SUPT3H: variants seen among roughly 807,000 people sequenced by gnomAD.
The protein encoded by SUPT3H is SPT3 homolog, SAGA and STAGA complex component.
In SUPT3H, 44 loss-of-function variants were observed where a neutral mutation model predicts 44.3. That is an observed-to-expected ratio of 0.99 (90% CI 0.78 to 1.28). The LOEUF is 1.28. Ranked by LOEUF, SUPT3H falls within the 50% of genes most tolerant of loss-of-function variation. The pLI, the probability that SUPT3H is intolerant of heterozygous loss-of-function variation, is 0.00. For synonymous variants in SUPT3H, 124 were observed against 125.6 expected, an observed-to-expected ratio of 0.99 and a Z score of 0.09; for missense variants, 380 against 387.1, an observed-to-expected ratio of 0.98 and a Z score of 0.15.
chr6:45,348,078 T>C (rs1030201658), intron 2 of SUPT3H, among the ~76,000 whole-genome samples: 2 of 152,184 alleles, frequency 1.3e-5, no homozygotes, highest in African/African-American at 4.8e-5. Context: ...AATGGCCTGC[T>C]TATGTCTAGC....
chr6:45,289,812 A>C (rs978367945), intron 2 of SUPT3H, among the ~76,000 whole-genome samples: 22 of 152,338 alleles, frequency 1.4e-4, no homozygotes, highest in Middle Eastern at 3.4e-3. Context: ...TTAAACAAAA[A>C]ATGGTACGTC....
In SUPT3H at chr6:44,857,677, T is replaced by C. The variant is rs76902238; in HGVS notation, c.913-27820A>G. ...TACTTTTTAGTCGATTTTTCTTACC[T>C]AGGATTACATAAAAATACCTTTAGA... is the stretch of plus-strand genomic sequence containing the variant. On this transcript the variant is annotated intron_variant, in intron 10 of 10. Transcript: ENST00000371459. Among the ~76,000 whole-genome samples the C allele has an allele frequency of 4.5e-4, 68 of 152,332 alleles. No homozygotes were observed. In the East Asian group the frequency reaches 0.011, roughly 25 times the overall value.
chr6:44,910,637 T>C (rs542177272), intron 10 of SUPT3H, among the ~76,000 whole-genome samples: 2 of 151,918 alleles, frequency 1.3e-5, no homozygotes, highest in African/African-American at 4.8e-5. Flanking sequence ...ATTAGGCAAA[T>C]ATTTTCATTT....
chr6:44,862,492 C>T (rs1156806590), intron 10 of SUPT3H, among the ~76,000 whole-genome samples: 1 of 151,744 alleles, frequency 6.6e-6, no homozygotes, highest in South Asian at 2.1e-4. Flanking sequence ...GCCTGGCCAA[C>T]ATGGTGAAAT....
chr6:45,343,636 C>T (rs887013435), intron 2 of SUPT3H, among the ~76,000 whole-genome samples: 1 of 152,172 alleles, frequency 6.6e-6, no homozygotes, highest in African/African-American at 2.4e-5. Flanking sequence ...AGTTGCATAA[C>T]AGTACGAACT....
chr6:45,147,954 C>A lies in SUPT3H; in HGVS notation c.102-41948G>T, dbSNP rs899194762. On this transcript the variant is annotated intron_variant, in intron 2 of 10. Coordinates refer to ENST00000371459, the MANE Select transcript of SUPT3H (RefSeq NM_003599.4). ...ATTTTAATAAATAAATTGATGATTA[C>A]AGAAAAAATTAAGCAATAAGAACAT... Among the ~76,000 whole-genome samples the A allele has an allele frequency of 5.3e-5, 8 of 152,084 alleles. No homozygotes were observed. The East Asian group carries it at 1.5e-3, about 29-fold the overall frequency.
At chr6:45,129,810 A>T (rs922725197) in intron 2 of SUPT3H, among the ~76,000 whole-genome samples, 10 of 151,636 alleles carry the variant, frequency 6.6e-5, no homozygotes, top group African/African-American at 2.4e-4. Context: ...CTTTTGGGGG[A>T]ATTTTGGGGG....
Position 45,125,905 on chromosome 6 carries a change from A to G in SUPT3H, c.102-19899T>C, listed in dbSNP as rs1164110520. On this transcript the variant is annotated intron_variant, in intron 2 of 10. Coordinates refer to ENST00000371459, the MANE Select transcript of SUPT3H (RefSeq NM_003599.4). ...AAAATTGTATTACTCTTTACACTAA[A>G]AGTTTCCATTTTCAGTTATTCGTAT... Among the ~76,000 whole-genome samples, 4 of 152,294 alleles carry G rather than the reference A, an allele frequency of 2.6e-5. No homozygotes were observed. The East Asian group carries it at 7.7e-4, about 29-fold the overall frequency.
chr6:44,892,638 T>C (rs1187941964), intron 10 of SUPT3H, among the ~76,000 whole-genome samples: 2 of 152,126 alleles, frequency 1.3e-5, no homozygotes, highest in African/African-American at 4.8e-5. Context: ...ATTTGAATGA[T>C]GGAATATTAA....
chr6:45,257,533 G>A (rs1015171839), intron 2 of SUPT3H, among the ~76,000 whole-genome samples: 2 of 152,142 alleles, frequency 1.3e-5, no homozygotes, highest in African/African-American at 4.8e-5. Flanking sequence ...TTACTGATAA[G>A]AAGAATACAG....
rs187791491 is a variant in SUPT3H, at chr6:45,315,575, C to T, written c.101+49626G>A. 1.2e-4 allele frequency among the ~76,000 whole-genome samples: 19 copies of T among 152,096 alleles called. No homozygotes were observed. The East Asian group carries it at 3.1e-3, about 25-fold the overall frequency. On this transcript the variant is annotated intron_variant, in intron 2 of 10. Coordinates refer to ENST00000371459, the MANE Select transcript of SUPT3H (RefSeq NM_003599.4). ...GGAAATGCAAATCAAAACCACAATG[C>T]GATACCACCTTACTCCTGTAAGAAT...
intron 5 of SUPT3H, 93 bp downstream of exon 5, chr6:45,014,708 A>T: frequency 1.3e-6 from 1 of 755,956 alleles, no homozygotes; most frequent in South Asian, 3.3e-5. Context: ...AAAATTAACT[A>T]GTTCTCCAGT....
chr6:45,259,426 T>A (rs1051750977), intron 2 of SUPT3H, among the ~76,000 whole-genome samples: 5 of 152,314 alleles, frequency 3.3e-5, no homozygotes, highest in African/African-American at 1.2e-4. Context: ...TTTCTGTTTA[T>A]GTCTTTGGAA....
intron 10 of SUPT3H, among the ~76,000 whole-genome samples, chr6:44,918,013 C>T (rs60466482): frequency 0.012 from 1,886 of 152,214 alleles, 36 homozygotes; most frequent in African/African-American, 0.043. Flanking sequence ...TCTAGTGATA[C>T]AGCTGGTAAC....
intron 2 of SUPT3H, among the ~76,000 whole-genome samples, chr6:45,273,354 T>A (rs1049738678): frequency 1.3e-5 from 2 of 152,192 alleles, no homozygotes; most frequent in African/African-American, 4.8e-5. Flanking sequence ...TGGGGCACTG[T>A]CGTCCTCATA....
chr6:44,922,000 C>T lies in SUPT3H; in HGVS notation c.912+10653G>A, dbSNP rs573481161. On this transcript the variant is annotated intron_variant, in intron 10 of 10. Transcript: ENST00000371459. ...TCAAAATATTTCCTGATCTAGAGAG[C>T]ATACTCCACCTATTGGGCATATGCC... Among the ~76,000 whole-genome samples, 19 of 152,368 alleles carry T rather than the reference C, an allele frequency of 1.2e-4. No homozygotes were observed. In the South Asian group the frequency reaches 3.5e-3, roughly 28 times the overall value.
At chr6:45,178,839 C>A (rs1184292149) in intron 2 of SUPT3H, among the ~76,000 whole-genome samples, 2 of 151,862 alleles carry the variant, frequency 1.3e-5, no homozygotes, top group African/African-American at 4.8e-5. Flanking sequence ...GAAATGAAGG[C>A]AGAAATAAAG....
At chr6:44,883,857 T>C (rs534631315) in intron 10 of SUPT3H, among the ~76,000 whole-genome samples, 116 of 152,280 alleles carry the variant, frequency 7.6e-4, no homozygotes, top group Non-Finnish European at 1.3e-3. Flanking sequence ...TTACACCTTA[T>C]ACAAAAATTA....
intron 3 of SUPT3H, among the ~76,000 whole-genome samples, chr6:45,052,927 G>A (rs555206771): frequency 1.3e-5 from 2 of 152,218 alleles, no homozygotes; most frequent in South Asian, 4.2e-4. Context: ...TGATATGAGA[G>A]TGAATAGAGT....
Sources: gnomAD v4.1 joint callset for allele counts (sites outside exome capture counted in the v4.1 genomes callset) on GRCh38, gnomAD v4.1.1 for gene constraint, MANE v1.5 for transcripts, NCBI Gene and HGNC (gene_info 2026-07-23, HGNC 2026-07-21) for gene names.